ABCA4: variants seen among roughly 807,000 people sequenced by gnomAD.
The protein encoded by ABCA4 is ATP binding cassette subfamily A member 4, also known as retinal-specific phospholipid-transporting ATPase ABCA4.
Under a neutral mutation model 263.7 loss-of-function variants are expected in ABCA4, and 196 were observed. That is an observed-to-expected ratio of 0.74 (90% CI 0.66 to 0.84). The LOEUF is 0.84. Among genes scored for constraint, ABCA4 ranks in the 40% least tolerant of loss-of-function variants. ABCA4 has a pLI of 0.00. For synonymous variants in ABCA4, 1,133 were observed against 1,094.2 expected (o/e 1.04, Z -0.70); for missense variants, 2,792 against 2,855.1 (o/e 0.98, Z 0.50).
At position 94,040,096 on chromosome 1, in the gene ABCA4, G is replaced by A; in HGVS notation, c.3554C>T (p.Ser1185Phe). 6.2e-7 allele frequency: 1 copy of A among 1,610,324 alleles called. No individual in the cohort carries two copies. The highest frequency in any genetic ancestry group is 8.5e-7 in the Non-Finnish European group (1 of 1,178,184). The change falls in exon 24 of 50, where the codon TCC (serine) becomes TTC (phenylalanine). Residue 1185 changes from serine (S) to phenylalanine (F), a missense_variant. By Grantham distance (155) the Ser-to-Phe change is radical (BLOSUM62 -2). Coordinates refer to ENST00000370225, the MANE Select transcript of ABCA4 (RefSeq NM_000350.3). Reference sequence around the variant, plus strand: ...ATCGACGTGGGCTGGACACGTGGTGGAGAAACCCTTAGACGAGCAGCTGCA... The same window carrying A: ...ATCGACGTGGGCTGGACACGTGGTGAAGAAACCCTTAGACGAGCAGCTGCA... ...GTCSCSSKGFSTTCPAHVDDL... is the reference protein window; with the variant it reads ...GTCSCSSKGFFTTCPAHVDDL...
At chr1:94,019,123 T>G (rs1015962975) in intron 36 of ABCA4, among the ~76,000 whole-genome samples, 3 of 150,348 alleles carry the variant, frequency 2.0e-5, no homozygotes, top group African/African-American at 7.4e-5. Flanking sequence ...AAATTAAATT[T>G]AACTGGGTGT....
At chr1:94,119,161 T>A (rs962402790) in intron 1 of ABCA4, among the ~76,000 whole-genome samples, 3 of 151,898 alleles carry the variant, frequency 2.0e-5, no homozygotes, top group African/African-American at 4.8e-5. Context: ...CATGAAAAAA[T>A]TTAATCATGA....
In ABCA4 at chr1:94,055,043, AGAT is replaced by A. The variant is rs371890387; in HGVS notation, c.2587+65_2587+67del. 2.3e-5 allele frequency: 32 copies of A among 1,414,176 alleles called. No homozygotes were observed. In the African/African-American group the frequency reaches 4.4e-4, roughly 19 times the overall value. The allele number at this position is 1,414,176 out of a possible 1,614,324, so 87.6% of individuals were successfully genotyped here. ...GCTTGGAAGAAATGAAATTTAAACT[AGAT>A]GAATGGAGAGGGCTGGGGATCTGAA... On this transcript the variant is annotated intron_variant, in intron 16 of 49. Transcript: ENST00000370225.
chr1:94,044,075 CCCCT>C (rs71094274), intron 20 of ABCA4, among the ~76,000 whole-genome samples: 6 of 2,860 alleles, frequency 2.1e-3, no homozygotes, highest in African/African-American at 2.3e-3. Context: ...GCTTCCTTCT[CCCCT>C]CCCTCCCTCC....
At chr1:94,034,738 C>T (rs997951667) in intron 26 of ABCA4, among the ~76,000 whole-genome samples, 1 of 151,832 alleles carries the variant, frequency 6.6e-6, no homozygotes, top group Non-Finnish European at 1.5e-5. Context: ...CAGTTCCCCC[C>T]AGATGGGGCA....
At chr1:94,097,320 G>T (rs952422024) in intron 6 of ABCA4, among the ~76,000 whole-genome samples, 9 of 152,098 alleles carry the variant, frequency 5.9e-5, no homozygotes, top group Admixed American at 3.9e-4. Flanking sequence ...AGCGTGGACC[G>T]TGCCAGAAAC....
At chr1:94,044,846 T>A in intron 19 of ABCA4, 102 bp from the exon 20 acceptor site, 1 of 1,572,380 alleles carries the variant, frequency 6.4e-7, no homozygotes, top group Non-Finnish European at 8.7e-7. Context: ...CACAGATTCC[T>A]GCCTGGGGCT....
intron 20 of ABCA4, 148 bp from the exon 21 acceptor site, chr1:94,043,623 C>T: frequency 1.8e-6 from 2 of 1,086,444 alleles, no homozygotes; most frequent in Admixed American, 2.0e-5. Flanking sequence ...ACAAAAATAG[C>T]AGACCCTGCT....
At chr1:94,051,522 TC>T in intron 17 of ABCA4, 110 bp downstream of exon 17, 1 of 983,678 alleles carries the variant, frequency 1.0e-6, no homozygotes, top group Non-Finnish European at 1.6e-6. Context: ...AGCTGACTCA[TC>T]AGGAATCACA....
At chr1:94,115,776 C>T (rs1261074131) in intron 1 of ABCA4, among the ~76,000 whole-genome samples, 1 of 152,194 alleles carries the variant, frequency 6.6e-6, no homozygotes, top group African/African-American at 2.4e-5. Flanking sequence ...GTTGCAAAGG[C>T]AGAAGAGTAA....
At chr1:94,051,491 A>G (rs1660837883) in intron 17 of ABCA4, 142 bp downstream of exon 17, 1 of 765,880 alleles carries the variant, frequency 1.3e-6, no homozygotes, top group Non-Finnish European at 2.3e-6. Context: ...ATGCCCATCA[A>G]GGGGCAGAGC....
In ABCA4 at chr1:94,029,578, T is replaced by G. The variant is rs745321062; in HGVS notation, c.4406A>C (p.Asn1469Thr). 4 of 1,614,006 alleles carry G rather than the reference T, an allele frequency of 2.5e-6. No individual in the cohort carries two copies. In the Admixed American group the frequency reaches 6.7e-5, roughly 27 times the overall value. Reference sequence around the variant, plus strand: ...CTGCTTCTGGAACAGCTGGGTGATGTTTGGGGACACAGAAGGAGTCTTCCA... The same window carrying G: ...CTGCTTCTGGAACAGCTGGGTGATGGTTGGGGACACAGAAGGAGTCTTCCA... Reference protein sequence around the residue: ...TPWKTPSVSPNITQLFQKQKW... With the variant: ...TPWKTPSVSPTITQLFQKQKW... Residue 1469 changes from asparagine (N) to threonine (T), a missense_variant, in exon 30 of 50, where the codon AAC becomes ACC. Transcript: ENST00000370225.
chr1:94,076,518 A>G (rs779193376), intron 11 of ABCA4, among the ~76,000 whole-genome samples: 11 of 152,204 alleles, frequency 7.2e-5, no homozygotes, highest in Non-Finnish European at 1.5e-4. Flanking sequence ...ATAAATGGGC[A>G]ATGAAAACAG....
In ABCA4 at chr1:94,011,428, AC is replaced by A. The variant is rs281865391; in HGVS notation, c.5461-44del. 2.8e-5 allele frequency: 45 copies of A among 1,610,246 alleles called. 1 individual carries two copies. The highest frequency in any genetic ancestry group is 2.3e-4 in the Admixed American group (14 of 59,858). ...GACTGTTGGAAACGGGGCAAACCCC[AC>A]CCCCCCTCTCTTCAGCAGGTGGGGC... On this transcript the variant is annotated intron_variant, in intron 38 of 49. Coordinates refer to ENST00000370225, the MANE Select transcript of ABCA4 (RefSeq NM_000350.3).
chr1:94,063,340 G>C (rs374573271), intron 11 of ABCA4, 23 bp from the exon 12 acceptor site: 7 of 1,611,196 alleles, frequency 4.3e-6, no homozygotes, highest in Admixed American at 1.7e-5. Context: ...ACAAAGTTGA[G>C]AGAGTGTGAG....
In ABCA4 at chr1:94,025,167, A is replaced by T. The variant is rs549179505; in HGVS notation, c.4540-119T>A. ...TGGATTGAGCTGCTGAGAAAATACT[A>T]AATAAAGTACTGGCATCTCCCTAGT... On this transcript the variant is annotated intron_variant, in intron 30 of 49. Coordinates refer to ENST00000370225, the MANE Select transcript of ABCA4 (RefSeq NM_000350.3). 2.6e-5 allele frequency: 22 copies of T among 841,958 alleles called. No individual in the cohort carries two copies. The East Asian group carries it at 5.5e-4, about 21-fold the overall frequency. 52.2% of individuals were successfully genotyped at this position (841,958 alleles called of 1,614,324 possible).
At position 94,047,066 on chromosome 1, in the gene ABCA4, C is replaced by A; in HGVS notation, c.2771G>T (p.Gly924Val). The A allele has an allele frequency of 1.2e-6, 2 of 1,614,114 alleles. No individual in the cohort carries two copies. The highest frequency in any genetic ancestry group is 2.2e-5 in the South Asian group (2 of 91,068). Residue 924 changes from glycine to valine, a missense_variant, in exon 19 of 50, where the codon GGG becomes GTG. Transcript: ENST00000370225. The stretch of plus-strand genomic sequence containing the variant: ...CTTCACGCATACCCCAGGAACCCAC[C>A]CTGGATGCTCACGTTCAAAGAAGGA... ...HDSFFEREHP[G>V]WVPGVCVKNL...
At chr1:94,095,749 G>GTT (rs4147879) in intron 6 of ABCA4, among the ~76,000 whole-genome samples, 3,871 of 136,850 alleles carry the variant, frequency 0.028, 99 homozygotes, top group East Asian at 0.1. Context: ...TTTCTTTCAG[G>GTT]TTTTTTTTTT....
chr1:94,065,924 T>C (rs956799986), intron 11 of ABCA4, among the ~76,000 whole-genome samples: 1 of 152,202 alleles, frequency 6.6e-6, no homozygotes, highest in Admixed American at 6.5e-5. Flanking sequence ...TCACCCACCA[T>C]AGAGCTAAGG....
Sources: gnomAD v4.1 joint callset for allele counts (sites outside exome capture counted in the v4.1 genomes callset) on GRCh38, gnomAD v4.1.1 for gene constraint, MANE v1.5 for transcripts, NCBI Gene and HGNC (gene_info 2026-07-23, HGNC 2026-07-21) for gene names.